The following LRRC8C variants were observed in gnomAD, a reference collection of about 807,000 sequenced individuals.
LRRC8C encodes the protein volume-regulated anion channel subunit LRRC8C.
In LRRC8C, 20 loss-of-function variants were observed where a neutral mutation model predicts 55.3. The observed-to-expected ratio is 0.36, with a 90% CI of 0.25 to 0.53. The LOEUF is 0.53. Ranked by LOEUF, LRRC8C falls within the 20% of genes least tolerant of loss-of-function variation. LRRC8C has a pLI of 0.92. For missense variants in LRRC8C, 659 were observed against 951.4 expected, an observed-to-expected ratio of 0.69 and a Z score of 4.04; for synonymous variants, 376 against 360.7, an observed-to-expected ratio of 1.04 and a Z score of -0.48.
chr1:89,626,494 TAGGATA>T, the LRRC8C span: 1 of 152,188 alleles, frequency 6.6e-6, no homozygotes, highest in Admixed American at 6.6e-5. Flanking sequence ...CATGTTATAT[TAGGATA>T]TATACCACTT....
Position 89,659,061 on chromosome 1 carries a change from T to TGTGTG in LRRC8C, c.-5+25739_-5+25740insGTGTG, listed in dbSNP as rs1553164941. Among the ~76,000 whole-genome samples, 51 of 53,984 alleles carry TGTGTG rather than the reference T, an allele frequency of 9.4e-4. 4 individuals carry two copies. The highest frequency in any genetic ancestry group is 3.1e-3 in the African/African-American group (50 of 15,940). 35.4% of individuals were successfully genotyped at this position (53,984 alleles called of 152,430 possible). A position where few individuals can be genotyped will look rare whatever the true frequency, so the allele number is the denominator to read the frequency against. Reference sequence around the variant, plus strand: ...TGTCTTCTCCAGGTTTTTTTTTTTTTTGTGTGTGTGTGTGTGTGTGTGTGT... The same window carrying TGTGTG: ...TGTCTTCTCCAGGTTTTTTTTTTTTTGTGTGTGTGTGTGTGTGTGTGTGTGTGTGT... On this transcript the variant is annotated intron_variant, in intron 1 of 2. Coordinates refer to ENST00000370454, the MANE Select transcript of LRRC8C (RefSeq NM_032270.5).
intron 2 of LRRC8C, among the ~76,000 whole-genome samples, chr1:89,705,445 G>A (rs1224349182): frequency 6.6e-6 from 1 of 150,978 alleles, no homozygotes; most frequent in Non-Finnish European, 1.5e-5. Context: ...AGAAATTTAG[G>A]GATTAACCAA....
At chr1:89,685,347 C>T (rs903344457) in intron 1 of LRRC8C, among the ~76,000 whole-genome samples, 3 of 147,476 alleles carry the variant, frequency 2.0e-5, no homozygotes, top group East Asian at 2.0e-4. Context: ...GATCTCCTGA[C>T]CTCATGATCC....
intron 1 of LRRC8C, among the ~76,000 whole-genome samples, chr1:89,678,987 T>C (rs1040763371): frequency 3.5e-4 from 53 of 152,058 alleles, no homozygotes; most frequent in Non-Finnish European, 1.2e-4. Context: ...GAACTCTGAG[T>C]CTGGATGGAG....
chr1:89,672,105 G>A (rs1454908926), intron 1 of LRRC8C, among the ~76,000 whole-genome samples: 2 of 152,066 alleles, frequency 1.3e-5, no homozygotes, highest in Non-Finnish European at 2.9e-5. Flanking sequence ...TTTTAAGAGG[G>A]GAAAAACAAA....
chr1:89,685,832 A>C (rs913717331), intron 1 of LRRC8C, among the ~76,000 whole-genome samples: 1 of 152,112 alleles, frequency 6.6e-6, no homozygotes, highest in Non-Finnish European at 1.5e-5. Flanking sequence ...ACAGAGAAAA[A>C]AATCAAGATA....
chr1:89,700,693 T>G (rs373658759), intron 2 of LRRC8C, among the ~76,000 whole-genome samples: 1 of 152,192 alleles, frequency 6.6e-6, no homozygotes, highest in East Asian at 1.9e-4. Context: ...CAAGTCTAGA[T>G]GATCAACTTC....
At chr1:89,627,750 T>C in the LRRC8C span, among the ~76,000 whole-genome samples, 2 of 152,310 alleles carry the variant, frequency 1.3e-5, no homozygotes, top group South Asian at 4.1e-4. Context: ...TGGATTACAA[T>C]GGGCCTCTGT....
At chr1:89,664,647 A>C (rs1385612045) in intron 1 of LRRC8C, among the ~76,000 whole-genome samples, 2 of 152,186 alleles carry the variant, frequency 1.3e-5, no homozygotes, top group Middle Eastern at 3.2e-3. Flanking sequence ...TTCCATATGA[A>C]ATTTAAAGCA....
chr1:89,646,070 A>T (rs910286580), intron 1 of LRRC8C, among the ~76,000 whole-genome samples: 1 of 152,110 alleles, frequency 6.6e-6, no homozygotes, highest in African/African-American at 2.4e-5. Flanking sequence ...GCTGGATTAG[A>T]TTCCCAAAAG....
In LRRC8C at chr1:89,659,301, C is replaced by G. The variant is rs142773206; in HGVS notation, c.-5+25979C>G. 3.5e-3 allele frequency among the ~76,000 whole-genome samples: 530 copies of G among 152,210 alleles called. 3 individuals are homozygous for G. The highest frequency in any genetic ancestry group is 0.012 in the African/African-American group (509 of 41,514). ...TATTCATTCAAGAAGGAATTCAACTCAGTTTTCAATTGTTTTGTTCTGTTA... is the reference window on the plus strand; with the variant it reads ...TATTCATTCAAGAAGGAATTCAACTGAGTTTTCAATTGTTTTGTTCTGTTA... On this transcript the variant is annotated intron_variant, in intron 1 of 2. Transcript: ENST00000370454.
chr1:89,665,086 T>A (rs1186671982), intron 1 of LRRC8C, among the ~76,000 whole-genome samples: 1 of 152,240 alleles, frequency 6.6e-6, no homozygotes, highest in East Asian at 1.9e-4. Flanking sequence ...CAGAGACAAT[T>A]TGACTTCCTC....
chr1:89,696,694 G>A (rs1330597893), intron 2 of LRRC8C, among the ~76,000 whole-genome samples: 1 of 152,108 alleles, frequency 6.6e-6, no homozygotes, highest in Admixed American at 6.6e-5. Flanking sequence ...AAGCTCTAAA[G>A]AGAGAGTCAA....
chr1:89,620,021 A>T, the LRRC8C span, among the ~76,000 whole-genome samples: 31 of 152,174 alleles, frequency 2.0e-4, no homozygotes, highest in Non-Finnish European at 3.4e-4. Flanking sequence ...CTTAGACTGA[A>T]TAATTTATAA....
intron 1 of LRRC8C, among the ~76,000 whole-genome samples, chr1:89,650,058 A>G (rs920105466): frequency 2.6e-5 from 4 of 152,214 alleles, no homozygotes; most frequent in African/African-American, 9.6e-5. Context: ...AGAACACTGT[A>G]AGTAACTGTT....
At chr1:89,682,150 C>T (rs1657733416) in intron 1 of LRRC8C, among the ~76,000 whole-genome samples, 1 of 152,138 alleles carries the variant, frequency 6.6e-6, no homozygotes, top group African/African-American at 2.4e-5. Context: ...GCACTCCAGC[C>T]TGGGCGACAG....
intron 1 of LRRC8C, among the ~76,000 whole-genome samples, chr1:89,651,882 A>AAGATAT: frequency 6.6e-6 from 1 of 152,206 alleles, no homozygotes; most frequent in Non-Finnish European, 1.5e-5. Flanking sequence ...CTTGGTTGAC[A>AAGATAT]GCTGGTCAAC....
intron 1 of LRRC8C, among the ~76,000 whole-genome samples, chr1:89,636,312 G>A (rs777978087): frequency 1.3e-5 from 2 of 152,126 alleles, no homozygotes; most frequent in Non-Finnish European, 2.9e-5. Context: ...TTACATGCAC[G>A]TAGTGATTAG....
rs1658800762 is a variant in LRRC8C at position 89,715,781 on chromosome 1, T to G, written c.*799T>G. 1 of 152,188 alleles carries G rather than the reference T, an allele frequency of 6.6e-6. No homozygotes were observed. Among genetic ancestry groups the G allele is most frequent in the South Asian group, 2.1e-4 (1 of 4,834 alleles). 9.4% of individuals were successfully genotyped at this position (152,188 alleles called of 1,614,324 possible). On this transcript the variant is annotated 3_prime_UTR_variant, in exon 3 of 3. Coordinates refer to ENST00000370454, the MANE Select transcript of LRRC8C (RefSeq NM_032270.5). ...TTATTTTAATATTCTAATAGATAAT[T>G]AAATTTTAAAATGATAGAAGCCTGG...
Sources: gnomAD v4.1 joint callset for allele counts (sites outside exome capture counted in the v4.1 genomes callset) on GRCh38, gnomAD v4.1.1 for gene constraint, MANE v1.5 for transcripts, NCBI Gene and HGNC (gene_info 2026-07-23, HGNC 2026-07-21) for gene names.